The following GRB7 variants were observed in gnomAD, a reference collection of about 807,000 sequenced individuals.
GRB7 encodes growth factor receptor-bound protein 7.
Under a neutral mutation model 64.1 loss-of-function variants are expected in GRB7, and 47 were observed. The observed-to-expected ratio is 0.73, with a 90% CI of 0.58 to 0.94. The LOEUF is 0.94. Ranked by LOEUF, GRB7 falls within the 40% of genes least tolerant of loss-of-function variation. GRB7 has a pLI of 0.00. For missense variants in GRB7, 634 were observed against 718.4 expected, an observed-to-expected ratio of 0.88 and a Z score of 1.34; for synonymous variants, 277 against 279.9, an observed-to-expected ratio of 0.99 and a Z score of 0.10.
chr17:39,745,633 GC>G, intron 11 of GRB7, 94 bp from the exon 12 acceptor site: 1 of 1,559,266 alleles, frequency 6.4e-7, no homozygotes. Flanking sequence ...GCGGGGGGAG[GC>G]CCCTGGCTGG....
chr17:39,742,725 T>G lies in GRB7; in HGVS notation c.306+9T>G, dbSNP rs370194739. 1 of 1,548,244 alleles carries G rather than the reference T, an allele frequency of 6.5e-7. No individual in the cohort carries two copies. The highest frequency in any genetic ancestry group is 8.7e-7 in the Non-Finnish European group (1 of 1,147,954). On this transcript the variant is annotated intron_variant, in intron 3 of 14. Coordinates refer to ENST00000309156, the MANE Select transcript of GRB7 (RefSeq NM_005310.5). ...ATGCCAGCCGCCCCCATGTGAGTTG[T>G]CCCTCAGAAGGGAAGGGAGGGATGC...
chr17:39,743,416 G>A lies in GRB7; in HGVS notation c.609G>A (p.Met203Ile). The A allele has an allele frequency of 6.2e-7, 1 of 1,614,150 alleles. No individual in the cohort carries two copies. The highest frequency in any genetic ancestry group is 8.5e-7 in the Non-Finnish European group (1 of 1,180,026). Reference sequence around the variant, plus strand: ...AGCACTCCCTGTTCCCAGAAAAAATGGTCTCCAGCTGTCTCGATGCACACA... The same window carrying A: ...AGCACTCCCTGTTCCCAGAAAAAATAGTCTCCAGCTGTCTCGATGCACACA... ...SSPHSLFPEK[M>I]VSSCLDAHTG... Residue 203 changes from methionine to isoleucine, a missense_variant, in exon 6 of 15, where the codon ATG (methionine) becomes ATA (isoleucine). Physicochemically the swap from Met to Ile is conservative, Grantham distance 10 (BLOSUM62 1). Coordinates refer to ENST00000309156, the MANE Select transcript of GRB7 (RefSeq NM_005310.5).
intron 1 of GRB7, chr17:39,739,028 G>T (rs967970735): frequency 2.0e-6 from 2 of 1,021,946 alleles, no homozygotes; most frequent in African/African-American, 3.2e-5. Context: ...AGTGGGGTGG[G>T]GGATAGCAGA....
intron 10 of GRB7, 36 bp from the exon 11 acceptor site, chr17:39,745,386 C>T: frequency 6.2e-7 from 1 of 1,610,368 alleles, no homozygotes; most frequent in Non-Finnish European, 8.5e-7. Flanking sequence ...GTACCTGGGC[C>T]CTGTTCTGAC....
chr17:39,744,618 C>T lies in GRB7; in HGVS notation c.867C>T (p.Gly289=). The T allele has an allele frequency of 6.2e-6, 10 of 1,611,732 alleles. No individual in the cohort carries two copies. The highest frequency in any genetic ancestry group is 8.5e-6 in the Non-Finnish European group (10 of 1,178,914). ...NESNVYVVTQ[G]RKLYGMPTDF... The stretch of plus-strand genomic sequence containing the variant: ...CCAACGTGTACGTGGTGACGCAGGG[C>T]CGCAAGCTCTACGGGATGCCCACTG... The change falls in exon 8 of 15, where the codon GGC becomes GGT. Residue 289 remains glycine (G), a synonymous_variant. Coordinates refer to ENST00000309156, the MANE Select transcript of GRB7 (RefSeq NM_005310.5).
Position 39,745,464 on chromosome 17 carries a change from G to T in GRB7, c.1135G>T (p.Gly379Cys). The T allele has an allele frequency of 6.2e-7, 1 of 1,614,092 alleles. No homozygotes were observed. The highest frequency in any genetic ancestry group is 1.1e-5 in the South Asian group (1 of 91,080). The change falls in exon 11 of 15, where the codon GGC becomes TGC. Residue 379 changes from glycine to cysteine, a missense_variant. Coordinates refer to ENST00000309156, the MANE Select transcript of GRB7 (RefSeq NM_005310.5). ...DNTLVAMDFS[G>C]HAGRVIENPR... ...TACCCTGGTGGCCATGGACTTCTCT[G>T]GCCATGCTGGGCGTGTCATTGAGAA...
At chr17:39,745,576 A>T (rs368040901) in intron 11 of GRB7, 38 bp downstream of exon 11, 899 of 1,583,112 alleles carry the variant, frequency 5.7e-4, no homozygotes, top group Non-Finnish European at 6.1e-4. Flanking sequence ...TGTGCTGGGG[A>T]CCCACTCTCT....
chr17:39,738,586 C>T (rs766171545), intron 1 of GRB7: 30 of 237,730 alleles, frequency 1.3e-4, no homozygotes, highest in Non-Finnish European at 1.8e-4. Flanking sequence ...TCCTTGTTCC[C>T]TCCCTGTACA....
At chr17:39,746,442 C>A (rs1207689871) in intron 14 of GRB7, among the ~76,000 whole-genome samples, 1 of 151,602 alleles carries the variant, frequency 6.6e-6, no homozygotes, top group Non-Finnish European at 1.5e-5. Context: ...CACAGGGAGA[C>A]CCCATCTCTA....
intron 8 of GRB7, 76 bp downstream of exon 8, chr17:39,744,739 T>C: frequency 7.2e-7 from 1 of 1,388,130 alleles, no homozygotes; most frequent in Non-Finnish European, 1.0e-6. Flanking sequence ...TGCCCGGGGC[T>C]TCTGAGCCCC....
Position 39,746,197 on chromosome 17 carries a change from C to A in GRB7, c.1447C>A (p.Leu483Met), listed in dbSNP as rs925084258. ...HLQKVKHYLI[L>M]PSEEEGRLYF... Reference sequence around the variant, plus strand: ...GCAGAAAGTGAAGCATTATCTCATCCTGCCGGTGAGCTTCCCTGCGTCCCC... The same window carrying A: ...GCAGAAAGTGAAGCATTATCTCATCATGCCGGTGAGCTTCCCTGCGTCCCC... The change falls in exon 14 of 15, where the codon CTG (leucine) becomes ATG (methionine). Residue 483 changes from leucine to methionine, a missense_variant. Leu to Met is a conservative substitution (Grantham distance 15, BLOSUM62 2). Around this residue, in one of 2 missense-constraint regions of GRB7, gnomAD observed 467 missense variants for 576.6 expected, o/e 0.81. Coordinates refer to ENST00000309156, the MANE Select transcript of GRB7 (RefSeq NM_005310.5). 1.9e-6 allele frequency: 3 copies of A among 1,613,162 alleles called. No homozygotes were observed. The highest frequency in any genetic ancestry group is 2.5e-6 in the Non-Finnish European group (3 of 1,179,186).
rs911748679 is a variant in GRB7, at chr17:39,745,044, C to T, written c.1011+60C>T. 2.1e-5 allele frequency: 28 copies of T among 1,332,004 alleles called. No homozygotes were observed. The Admixed American group carries it at 2.8e-4, about 13-fold the overall frequency. The allele number at this position is 1,332,004 out of a possible 1,614,324, so 82.5% of individuals were successfully genotyped here. ...GGCCAGAGGGATCCCCAGCTCTGCC[C>T]TCAGGAAGTCTCAGGAATGAGGAGG... On this transcript the variant is annotated intron_variant, in intron 9 of 14. Coordinates refer to ENST00000309156, the MANE Select transcript of GRB7 (RefSeq NM_005310.5).
chr17:39,743,491 AC>A lies in GRB7; in HGVS notation c.663+22del, dbSNP rs142543438. ...TCCAGGTGGGGGGACCCCCCATTTCACTGCAGATTCACGACTCCCCAGCATT... is the reference window on the plus strand; with the variant it reads ...TCCAGGTGGGGGGACCCCCCATTTCATGCAGATTCACGACTCCCCAGCATT... On this transcript the variant is annotated intron_variant, in intron 6 of 14. Transcript: ENST00000309156. The A allele has an allele frequency of 8.0e-4, 1,278 of 1,594,902 alleles. 12 individuals are homozygous for A. In the African/African-American group the frequency reaches 0.015, roughly 18 times the overall value.
chr17:39,742,659 T>A lies in GRB7; in HGVS notation c.249T>A (p.Ile83=), dbSNP rs1171264866. 1 of 1,605,612 alleles carries A rather than the reference T, an allele frequency of 6.2e-7. No homozygotes were observed. The highest frequency in any genetic ancestry group is 2.2e-5 in the East Asian group (1 of 44,772). Residue 83 remains isoleucine, a synonymous_variant, in exon 3 of 15, where the codon ATT becomes ATA. Transcript: ENST00000309156. ...GCAGTCCTCCCTCACAGAGCCCAATTCTCGGGGGCCCCTCCAGTGCAAGGG... is the reference window on the plus strand; with the variant it reads ...GCAGTCCTCCCTCACAGAGCCCAATACTCGGGGGCCCCTCCAGTGCAAGGG... ...ELCSPPSQSP[I]LGGPSSARGL...
Position 39,745,230 on chromosome 17 carries a change from TC to T in GRB7, c.1012-9del. On this transcript the variant is annotated splice_polypyrimidine_tract_variant and intron_variant, in intron 9 of 14. Transcript: ENST00000309156. ...CTCTCGACCTCAAGCTCTCTTTCTC[TC>T]CCCACCCCCAGTACGGGGTGCAGCT... 6.3e-7 allele frequency: 1 copy of T among 1,579,524 alleles called. No homozygotes were observed. The highest frequency in any genetic ancestry group is 8.6e-7 in the Non-Finnish European group (1 of 1,161,396).
rs747499752 is a variant in GRB7, at chr17:39,742,957, C to G, written c.366C>G (p.Ala122=). The change falls in exon 4 of 15, where the codon GCC becomes GCG. Residue 122 remains alanine (A), a synonymous_variant. Transcript: ENST00000309156. ...ACRSVEVAAG[A]TARHVCEMLV... ...GGTCTGTGGAGGTGGCAGCAGGTGCCACAGCTCGCCACGTGTGTGAAATGC... is the reference window on the plus strand; with the variant it reads ...GGTCTGTGGAGGTGGCAGCAGGTGCGACAGCTCGCCACGTGTGTGAAATGC... The G allele has an allele frequency of 6.2e-7, 1 of 1,612,956 alleles. No homozygotes were observed. Among genetic ancestry groups the G allele is most frequent in the Non-Finnish European group, 8.5e-7 (1 of 1,179,446 alleles).
intron 12 of GRB7, 43 bp downstream of exon 12, chr17:39,745,831 T>A: frequency 6.2e-7 from 1 of 1,613,334 alleles, no homozygotes; most frequent in Non-Finnish European, 8.5e-7. Flanking sequence ...CTGCCTCAAC[T>A]TCTCTTTGTA....
chr17:39,743,936 T>C (rs1032102438), intron 6 of GRB7, 134 bp from the exon 7 acceptor site: 3 of 1,127,864 alleles, frequency 2.7e-6, no homozygotes, highest in South Asian at 3.2e-5. Flanking sequence ...GAGGTTGCAG[T>C]GAGCTGTGAT....
At chr17:39,743,938 A>G in intron 6 of GRB7, 132 bp from the exon 7 acceptor site, 2 of 1,146,824 alleles carry the variant, frequency 1.7e-6, no homozygotes, top group African/African-American at 1.6e-5. Flanking sequence ...GGTTGCAGTG[A>G]GCTGTGATCG....
Sources: allele counts gnomAD v4.1 joint callset (sites outside exome capture counted in the v4.1 genomes callset), GRCh38; gene constraint gnomAD v4.1.1; regional missense constraint gnomAD v4.1.1; transcripts MANE v1.5; gene names NCBI Gene and HGNC (gene_info 2026-07-23, HGNC 2026-07-21).